Variants in PCSK6 observed in about 807,000 individuals in gnomAD.
The protein encoded by PCSK6 is proprotein convertase subtilisin/kexin type 6.
PCSK6 carries 85 observed loss-of-function variants against 123.3 expected under a neutral mutation model. The ratio of observed to expected loss-of-function variants is 0.69; its 90% CI spans 0.58 to 0.83. The LOEUF (loss-of-function observed/expected upper bound fraction) is 0.83, where lower values mean the gene tolerates loss of function less well. Ranked by LOEUF, PCSK6 falls within the 40% of genes least tolerant of loss-of-function variation. PCSK6 has a pLI of 0.00. For synonymous variants in PCSK6, 508 were observed against 516.0 expected (o/e 0.98, Z 0.21); for missense variants, 1,191 against 1,282.3 (o/e 0.93, Z 1.09).
chr15:101,394,980 A>T (rs935959429), intron 7 of PCSK6, among the ~76,000 whole-genome samples: 1 of 152,190 alleles, frequency 6.6e-6, no homozygotes, highest in African/African-American at 2.4e-5. Flanking sequence ...AGGCACAAAG[A>T]GCTCAGGAAG....
chr15:101,336,381 T>C (rs1223144030), intron 13 of PCSK6, among the ~76,000 whole-genome samples: 3 of 152,320 alleles, frequency 2.0e-5, no homozygotes, highest in African/African-American at 4.8e-5. Context: ...ATTTCAGCTG[T>C]GTGCATGTGT....
chr15:101,319,449 C>A (rs537819145), intron 18 of PCSK6, among the ~76,000 whole-genome samples: 7 of 152,192 alleles, frequency 4.6e-5, no homozygotes, highest in African/African-American at 1.7e-4. Flanking sequence ...TGGCACACAG[C>A]TCCTAAAACC....
chr15:101,398,270 G>T lies in PCSK6; in HGVS notation c.996+134C>A. On this transcript the variant is annotated intron_variant, in intron 7 of 21. Coordinates refer to ENST00000611716, the MANE Select transcript of PCSK6 (RefSeq NM_002570.5). This position sits in a 1 kb window ranked among gnomAD's most constrained non-coding sequence, Gnocchi z 4.6. The stretch of plus-strand genomic sequence containing the variant: ...CTCCCCGAGTGACTCCTCCACACTG[G>T]CCCTGGCACCTGTCACAGCAGAGTC... 9.0e-7 allele frequency: 1 copy of T among 1,105,686 alleles called. No homozygotes were observed. The highest frequency in any genetic ancestry group is 1.3e-6 in the Non-Finnish European group (1 of 781,344). 68.5% of individuals were successfully genotyped at this position (1,105,686 alleles called of 1,614,324 possible).
chr15:101,314,539 C>A (rs1226338930), intron 19 of PCSK6, among the ~76,000 whole-genome samples: 1 of 152,208 alleles, frequency 6.6e-6, no homozygotes, highest in East Asian at 1.9e-4. Context: ...GATGGGGCCT[C>A]TCGCTGCATC....
At chr15:101,487,463 A>T (rs920405477) in intron 1 of PCSK6, among the ~76,000 whole-genome samples, 3 of 152,248 alleles carry the variant, frequency 2.0e-5, no homozygotes, top group African/African-American at 7.2e-5. Context: ...AGTGAGCCTG[A>T]CAGAGGTTGT....
intron 1 of PCSK6, among the ~76,000 whole-genome samples, chr15:101,479,941 G>A (rs534725065): frequency 3.7e-4 from 56 of 152,340 alleles, no homozygotes; most frequent in African/African-American, 1.3e-3. Flanking sequence ...TAGACTGTCC[G>A]CCTGTGGCAA....
At chr15:101,339,988 C>T (rs1408458557) in intron 13 of PCSK6, among the ~76,000 whole-genome samples, 1 of 151,818 alleles carries the variant, frequency 6.6e-6, no homozygotes, top group Non-Finnish European at 1.5e-5. Flanking sequence ...TATGTATACA[C>T]ACACAAACAG....
rs768869850 is a variant in PCSK6 at position 101,313,380 on chromosome 15, G to A, written c.2695C>T (p.Arg899Ter). The A allele has an allele frequency of 1.6e-5, 26 of 1,612,582 alleles. No homozygotes were observed. The highest frequency in any genetic ancestry group is 3.3e-5 in the Admixed American group (2 of 60,006). Reference sequence around the variant, plus strand: ...TCCCCGCCAGGAGGACCGTACCTTCGACACACTTTGTGGGGCAAGCCCGGC... The same window carrying A: ...TCCCCGCCAGGAGGACCGTACCTTCAACACACTTTGTGGGGCAAGCCCGGC... ...EMPGLPHKVC[R>*]RCDENCLSCA... Residue 899 changes from arginine (R) to a stop codon, truncating the protein, a stop_gained, in exon 20 of 22, where the codon CGA becomes TGA. Coordinates refer to ENST00000611716, the MANE Select transcript of PCSK6 (RefSeq NM_002570.5). LOFTEE classifies it high-confidence loss of function.
chr15:101,433,397 C>A (rs1383467919), intron 2 of PCSK6, among the ~76,000 whole-genome samples: 1 of 152,216 alleles, frequency 6.6e-6, no homozygotes, highest in African/African-American at 2.4e-5. Context: ...GGAATGTTTT[C>A]TTTGGTCTTA....
At chr15:101,339,803 CAGGAGGCTGAGTT>C (rs935076372) in intron 13 of PCSK6, among the ~76,000 whole-genome samples, 1 of 151,976 alleles carries the variant, frequency 6.6e-6, no homozygotes, top group Non-Finnish European at 1.5e-5. Flanking sequence ...CCTATCCATT[CAGGAGGCTGAGTT>C]GGGAGGATTG....
At chr15:101,469,382 T>C (rs1018708628) in intron 1 of PCSK6, among the ~76,000 whole-genome samples, 1 of 152,168 alleles carries the variant, frequency 6.6e-6, no homozygotes, top group African/African-American at 2.4e-5. Flanking sequence ...CTACATGCCC[T>C]GCGTGACTGT....
At chr15:101,448,872 A>G (rs1444591849) in intron 1 of PCSK6, among the ~76,000 whole-genome samples, 4 of 152,196 alleles carry the variant, frequency 2.6e-5, no homozygotes, top group East Asian at 1.9e-4. Context: ...CTTCATTTCA[A>G]TAAGGAAATC....
chr15:101,459,987 G>C (rs78279042), intron 1 of PCSK6, among the ~76,000 whole-genome samples: 1 of 152,292 alleles, frequency 6.6e-6, no homozygotes, highest in East Asian at 1.9e-4. Flanking sequence ...GAGGGAGAGA[G>C]ATGTGCGTTA....
At position 101,331,926 on chromosome 15, in the gene PCSK6, G is replaced by T; in HGVS notation, c.1964C>A (p.Pro655Gln). 4 of 1,613,900 alleles carry T rather than the reference G, an allele frequency of 2.5e-6. No homozygotes were observed. The highest frequency in any genetic ancestry group is 2.5e-6 in the Non-Finnish European group (3 of 1,179,844). The change falls in exon 14 of 22, where the codon CCA becomes CAA. Residue 655 changes from proline to glutamine, a missense_variant. Physicochemically the swap from Pro to Gln is moderately conservative, Grantham distance 76 (BLOSUM62 -1). Around this residue, in one of 3 missense-constraint regions of PCSK6, gnomAD observed 630 missense variants for 631.4 expected, o/e 1.00. Coordinates refer to ENST00000611716, the MANE Select transcript of PCSK6 (RefSeq NM_002570.5). ...SRSRMLELSAPELEPPKAALS... is the reference protein window; with the variant it reads ...SRSRMLELSAQELEPPKAALS... ...GGCAGCCTTGGGTGGCTCCAGCTCTGGGGCTGAGAGCTCCAGCATCCGCGA... is the reference window on the plus strand; with the variant it reads ...GGCAGCCTTGGGTGGCTCCAGCTCTTGGGCTGAGAGCTCCAGCATCCGCGA...
At chr15:101,448,511 G>A (rs760374435) in intron 1 of PCSK6, among the ~76,000 whole-genome samples, 6 of 152,188 alleles carry the variant, frequency 3.9e-5, no homozygotes, top group African/African-American at 9.7e-5. Context: ...CACTATTACC[G>A]AGTGCCCCTG....
intron 13 of PCSK6, among the ~76,000 whole-genome samples, chr15:101,342,066 G>C (rs1275172982): frequency 7.1e-6 from 1 of 140,186 alleles, no homozygotes; most frequent in Non-Finnish European, 1.5e-5. Context: ...GGAGGTGGAG[G>C]TTGCAGTGAG....
chr15:101,382,885 C>T (rs1044901520), intron 10 of PCSK6, among the ~76,000 whole-genome samples: 1 of 152,136 alleles, frequency 6.6e-6, no homozygotes, highest in Admixed American at 6.5e-5. Context: ...CCACTACCAC[C>T]GACATTCCTG....
rs148397132 is a variant in PCSK6, at chr15:101,456,210, G to C, written c.298-12550C>G. On this transcript the variant is annotated intron_variant, in intron 1 of 21. Transcript: ENST00000611716. The stretch of plus-strand genomic sequence containing the variant: ...AGAGAAGACAGATCATCCTACTCCA[G>C]GGATGGAAGGACGGATGGTCCCCTC... Among the ~76,000 whole-genome samples the C allele has an allele frequency of 3.0e-3, 458 of 151,490 alleles. 2 individuals are homozygous for C. Among genetic ancestry groups the C allele is most frequent in the African/African-American group, 0.01 (418 of 41,462 alleles).
At chr15:101,345,817 A>G (rs1386845634) in intron 13 of PCSK6, among the ~76,000 whole-genome samples, 2 of 152,136 alleles carry the variant, frequency 1.3e-5, no homozygotes, top group African/African-American at 4.8e-5. Context: ...ATAGGCACCC[A>G]CCACCATGAC....
Sources: gnomAD v4.1 joint callset for allele counts (sites outside exome capture counted in the v4.1 genomes callset) on GRCh38, gnomAD v4.1.1 for gene constraint, gnomAD v4.1.1 regional missense constraint, Gnocchi (gnomAD v3.1) non-coding constraint, MANE v1.5 for transcripts, NCBI Gene and HGNC (gene_info 2026-07-23, HGNC 2026-07-21) for gene names.